The following TBL1X variants were observed in gnomAD, a reference collection of about 807,000 sequenced individuals.
TBL1X encodes the protein transducin beta like 1 X-linked, also known as F-box-like/WD repeat-containing protein TBL1X.
In TBL1X, 10 loss-of-function variants were observed where a neutral mutation model predicts 50.7. That is an observed-to-expected ratio of 0.20 (90% CI 0.12 to 0.33). TBL1X has a LOEUF of 0.33. Ranked by LOEUF, TBL1X falls within the 10% of genes least tolerant of loss-of-function variation. TBL1X has a pLI of 1.00. For missense variants in TBL1X, 340 were observed against 504.4 expected, an observed-to-expected ratio of 0.67 and a Z score of 3.12; for synonymous variants, 190 against 214.7, an observed-to-expected ratio of 0.88 and a Z score of 1.01.
At chrX:9,659,829 A>G (rs1349610735) in intron 5 of TBL1X, among the ~76,000 whole-genome samples, 9 of 112,313 alleles carry the variant, frequency 8.0e-5, no homozygotes, top group Non-Finnish European at 1.1e-4. Context: ...TCTGGCGTAT[A>G]TATCTGCAGG....
chrX:9,497,765 CCTCCCTCCCTCTCTCT>C (rs2081979020), intron 1 of TBL1X, among the ~76,000 whole-genome samples: 2 of 53,746 alleles, frequency 3.7e-5, no homozygotes, highest in South Asian at 8.5e-4. Flanking sequence ...TCCCTCCCTC[CCTCCCTCCCTCTCTCT>C]CTCCCTCCCT....
intron 2 of TBL1X, among the ~76,000 whole-genome samples, chrX:9,550,789 T>C (rs2082267022): frequency 1.8e-5 from 2 of 112,349 alleles, no homozygotes; most frequent in Non-Finnish European, 3.8e-5. Flanking sequence ...TTGGGAACTT[T>C]TGGTAGAATA....
intron 2 of TBL1X, among the ~76,000 whole-genome samples, chrX:9,523,960 CTTTTTTTTTTTTT>C (rs63038662): frequency 5.1e-4 from 21 of 40,820 alleles, no homozygotes; most frequent in East Asian, 2.5e-3. Context: ...TCATTTTAAC[CTTTTTTTTTTTTT>C]TTTTTTTTTT....
intron 13 of TBL1X, among the ~76,000 whole-genome samples, chrX:9,706,028 G>T (rs1473954226): frequency 9.0e-6 from 1 of 110,664 alleles, no homozygotes; most frequent in Non-Finnish European, 1.9e-5. Flanking sequence ...GAGGAGTGGG[G>T]GGGGTGTCAC....
chrX:9,598,900 C>T (rs2082539345), intron 2 of TBL1X, among the ~76,000 whole-genome samples: 1 of 80,140 alleles, frequency 1.2e-5, no homozygotes, highest in Non-Finnish European at 2.2e-5. Context: ...AAATTTCCAT[C>T]CCCCTACCTT....
intron 1 of TBL1X, among the ~76,000 whole-genome samples, chrX:9,494,835 AT>A (rs1427775034): frequency 8.9e-6 from 1 of 112,068 alleles, no homozygotes; most frequent in Non-Finnish European, 1.9e-5. Context: ...GTTTTTGCTT[AT>A]TTGCTTTCTT....
chrX:9,512,008 A>G (rs925980129), intron 2 of TBL1X, among the ~76,000 whole-genome samples: 1 of 111,026 alleles, frequency 9.0e-6, no homozygotes, highest in Non-Finnish European at 1.9e-5. Flanking sequence ...TTACAGACAC[A>G]TGCCACCACT....
intron 2 of TBL1X, among the ~76,000 whole-genome samples, chrX:9,583,479 A>T (rs1211403447): frequency 2.7e-5 from 3 of 111,997 alleles, no homozygotes; most frequent in Non-Finnish European, 5.6e-5. Flanking sequence ...GGGAATACAG[A>T]TTATCTTTGT....
chrX:9,509,060 C>T (rs892703867), intron 2 of TBL1X, among the ~76,000 whole-genome samples: 4 of 98,681 alleles, frequency 4.1e-5, no homozygotes, highest in African/African-American at 1.1e-4. Flanking sequence ...GCACGTTCTG[C>T]GCATGTATCC....
At chrX:9,657,374 G>A (rs2082870537) in intron 5 of TBL1X, among the ~76,000 whole-genome samples, 2 of 112,093 alleles carry the variant, frequency 1.8e-5, no homozygotes, top group African/African-American at 6.5e-5. Flanking sequence ...CCAGGTTGCC[G>A]CTCCTGTCCA....
At chrX:9,589,736 A>T (rs1306131559) in intron 2 of TBL1X, among the ~76,000 whole-genome samples, 1 of 111,635 alleles carries the variant, frequency 9.0e-6, no homozygotes, top group Non-Finnish European at 1.9e-5. Context: ...ATACACTGAG[A>T]GACGTATGTT....
At chrX:9,551,479 A>G (rs1484281465) in intron 2 of TBL1X, among the ~76,000 whole-genome samples, 1 of 111,394 alleles carries the variant, frequency 9.0e-6, no homozygotes, top group Non-Finnish European at 1.9e-5. Flanking sequence ...TTCAAAATGT[A>G]GTTCACGGTG....
intron 5 of TBL1X, among the ~76,000 whole-genome samples, chrX:9,662,479 T>C (rs2082904310): frequency 1.8e-5 from 2 of 112,102 alleles, no homozygotes; most frequent in South Asian, 7.4e-4. Flanking sequence ...GCAAATACTG[T>C]AGGATTCCAC....
intron 2 of TBL1X, among the ~76,000 whole-genome samples, chrX:9,545,226 C>G (rs2082236395): frequency 9.1e-6 from 1 of 109,881 alleles, no homozygotes; most frequent in Admixed American, 9.7e-5. Flanking sequence ...AGGCTGGTCC[C>G]CCCATTTTTA....
chrX:9,609,411 G>T (rs868170364), intron 2 of TBL1X, among the ~76,000 whole-genome samples: 1 of 97,798 alleles, frequency 1.0e-5, no homozygotes, highest in African/African-American at 3.8e-5. Flanking sequence ...TCCAGGTAGG[G>T]GTGTGTGTGT....
At chrX:9,471,748 C>G (rs2081816539) in intron 1 of TBL1X, among the ~76,000 whole-genome samples, 1 of 111,624 alleles carries the variant, frequency 9.0e-6, no homozygotes, top group African/African-American at 3.3e-5. Flanking sequence ...GCAAAACTCA[C>G]AGTGTTTATT....
intron 2 of TBL1X, among the ~76,000 whole-genome samples, chrX:9,608,100 C>T (rs772194913): frequency 2.7e-5 from 3 of 110,630 alleles, no homozygotes; most frequent in South Asian, 3.9e-4. Flanking sequence ...TGTGCCTGGC[C>T]GAGAATGTTT....
At chrX:9,472,423 C>CT (rs1194403830) in intron 1 of TBL1X, among the ~76,000 whole-genome samples, 21 of 85,339 alleles carry the variant, frequency 2.5e-4, no homozygotes, top group Middle Eastern at 0.012. Context: ...GCATGTCCAG[C>CT]TTTTTTTTTT....
intron 3 of TBL1X, among the ~76,000 whole-genome samples, chrX:9,642,741 G>A (rs1259982954): frequency 8.9e-6 from 1 of 112,365 alleles, no homozygotes; most frequent in Non-Finnish European, 1.9e-5. Flanking sequence ...TAGGCTTCGC[G>A]GGCCAGGCGG....
Sources: allele counts gnomAD v4.1 joint callset (sites outside exome capture counted in the v4.1 genomes callset), GRCh38; gene constraint gnomAD v4.1.1; transcripts MANE v1.5; gene names NCBI Gene and HGNC (gene_info 2026-07-23, HGNC 2026-07-21).